UBE2W: variants seen among roughly 807,000 people sequenced by gnomAD.
UBE2W encodes ubiquitin-conjugating enzyme E2 W.
A neutral mutation model predicts 27.2 loss-of-function variants in UBE2W; 18 were observed. That is an observed-to-expected ratio of 0.66 (90% CI 0.46 to 0.98). The LOEUF (loss-of-function observed/expected upper bound fraction) is 0.98, where lower values mean the gene tolerates loss of function less well. Ranked by LOEUF, UBE2W falls within the 50% of genes least tolerant of loss-of-function variation. The pLI is 0.00. For synonymous variants in UBE2W, 53 were observed against 57.2 expected (o/e 0.93, Z 0.33); for missense variants, 90 against 180.2 (o/e 0.50, Z 2.87).
chr8:73,878,655 T>TC (rs1197599215), intron 1 of UBE2W, among the ~76,000 whole-genome samples, 153 bp downstream of exon 1: 1 of 150,994 alleles, frequency 6.6e-6, no homozygotes, highest in Non-Finnish European at 1.5e-5. Context: ...CTCTTACCCC[T>TC]CCCCCGACGC....
Position 73,793,001 on chromosome 8 carries a change from G to C in UBE2W, c.*1101C>G. The C allele has an allele frequency of 2.0e-6, 2 of 985,228 alleles. No homozygotes were observed. Among genetic ancestry groups the C allele is most frequent in the Non-Finnish European group, 2.4e-6 (2 of 829,510 alleles). 61.0% of individuals were successfully genotyped at this position (985,228 alleles called of 1,614,324 possible). ...TCAAAAATGTATTTCTTATTTTAGG[G>C]TACAGGATTAAAGGACAAGATGATA... is the stretch of plus-strand genomic sequence containing the variant. On this transcript the variant is annotated 3_prime_UTR_variant, in exon 6 of 6. Coordinates refer to ENST00000602593, the MANE Select transcript of UBE2W (RefSeq NM_018299.6).
chr8:73,852,356 T>C (rs1811117235), intron 1 of UBE2W, among the ~76,000 whole-genome samples: 1 of 152,204 alleles, frequency 6.6e-6, no homozygotes. Context: ...CAAATTTTAA[T>C]TTCTCAAGCT....
intron 1 of UBE2W, among the ~76,000 whole-genome samples, chr8:73,875,820 C>T (rs891439652): frequency 6.6e-6 from 1 of 151,988 alleles, no homozygotes; most frequent in Admixed American, 6.6e-5. Flanking sequence ...GAGGCCGAGG[C>T]GAGTGGATCG....
chr8:73,827,468 C>T (rs772290698), intron 2 of UBE2W, among the ~76,000 whole-genome samples: 3 of 152,148 alleles, frequency 2.0e-5, no homozygotes, highest in Non-Finnish European at 4.4e-5. Context: ...CCCGCCTCGG[C>T]GTCCCAAAGT....
intron 3 of UBE2W, among the ~76,000 whole-genome samples, chr8:73,821,924 T>C (rs764368180): frequency 8.5e-5 from 13 of 152,138 alleles, no homozygotes; most frequent in Non-Finnish European, 1.9e-4. Flanking sequence ...ATCAAGCAGA[T>C]AGTCAAGGCC....
At chr8:73,860,984 G>A (rs1811513091) in intron 1 of UBE2W, among the ~76,000 whole-genome samples, 1 of 152,058 alleles carries the variant, frequency 6.6e-6, no homozygotes, top group Non-Finnish European at 1.5e-5. Context: ...TGAGCATGGT[G>A]GCATGTACCT....
chr8:73,816,531 GA>G (rs1330297169), intron 3 of UBE2W, among the ~76,000 whole-genome samples: 1 of 152,128 alleles, frequency 6.6e-6, no homozygotes, highest in African/African-American at 2.4e-5. Flanking sequence ...GCATGAATAG[GA>G]GGGGGGAATG....
intron 1 of UBE2W, among the ~76,000 whole-genome samples, chr8:73,864,874 T>C (rs1010286080): frequency 2.0e-5 from 3 of 151,868 alleles, no homozygotes; most frequent in African/African-American, 7.3e-5. Flanking sequence ...AGTGCTGGGA[T>C]TACACGAATG....
intron 3 of UBE2W, among the ~76,000 whole-genome samples, chr8:73,812,767 C>T (rs1237398572): frequency 6.6e-6 from 1 of 151,960 alleles, no homozygotes; most frequent in Non-Finnish European, 1.5e-5. Context: ...CTTTGGCAGG[C>T]CGAGGTGGGT....
chr8:73,813,820 T>C (rs1452609366), intron 3 of UBE2W, among the ~76,000 whole-genome samples: 3 of 152,096 alleles, frequency 2.0e-5, no homozygotes, highest in African/African-American at 7.2e-5. Flanking sequence ...TGGTACGACC[T>C]TGGCTCACTG....
intron 1 of UBE2W, among the ~76,000 whole-genome samples, chr8:73,856,800 G>C (rs750522583): frequency 2.6e-5 from 4 of 151,952 alleles, no homozygotes; most frequent in African/African-American, 7.3e-5. Flanking sequence ...CCGCCTCCTG[G>C]GTTCAAGCCA....
chr8:73,795,520 A>C (rs1808376405), intron 5 of UBE2W, among the ~76,000 whole-genome samples: 1 of 152,132 alleles, frequency 6.6e-6, no homozygotes, highest in African/African-American at 2.4e-5. Flanking sequence ...TTCTCTTCTC[A>C]TAAATTAGTC....
At chr8:73,813,618 C>T (rs1250034013) in intron 3 of UBE2W, among the ~76,000 whole-genome samples, 2 of 152,118 alleles carry the variant, frequency 1.3e-5, no homozygotes, top group East Asian at 3.8e-4. Context: ...AGAAGTTTGT[C>T]TAAACATATA....
At chr8:73,856,870 T>TAA (rs1008116847) in intron 1 of UBE2W, among the ~76,000 whole-genome samples, 3 of 152,046 alleles carry the variant, frequency 2.0e-5, no homozygotes, top group African/African-American at 7.2e-5. Context: ...CACACCTGGC[T>TAA]AATTTTTTGT....
intron 3 of UBE2W, among the ~76,000 whole-genome samples, chr8:73,816,137 C>A (rs1353386663): frequency 1.3e-5 from 2 of 152,282 alleles, no homozygotes; most frequent in East Asian, 1.9e-4. Context: ...TAACGAGTAC[C>A]ATGCAGCTAT....
chr8:73,790,887 G>T lies in UBE2W; in HGVS notation c.*3215C>A. 1.0e-6 allele frequency: 1 copy of T among 984,986 alleles called. No individual in the cohort carries two copies. Among genetic ancestry groups the T allele is most frequent in the Non-Finnish European group, 1.2e-6 (1 of 829,638 alleles). The allele number at this position is 984,986 out of a possible 1,614,324, so 61.0% of individuals were successfully genotyped here. ...CTAGACACCTGTTTTAGAATCTGAA[G>T]AAATTATTATCCACCACAGGAATCT... On this transcript the variant is annotated 3_prime_UTR_variant, in exon 6 of 6. Coordinates refer to ENST00000602593, the MANE Select transcript of UBE2W (RefSeq NM_018299.6).
Position 73,786,993 on chromosome 8 carries a change from C to G in UBE2W, c.*7109G>C. The G allele has an allele frequency of 2.0e-6, 2 of 985,322 alleles. No individual in the cohort carries two copies. The highest frequency in any genetic ancestry group is 1.2e-6 in the Non-Finnish European group (1 of 829,914). The allele number at this position is 985,322 out of a possible 1,614,324, so 61.0% of individuals were successfully genotyped here. On this transcript the variant is annotated 3_prime_UTR_variant, in exon 6 of 6. Coordinates refer to ENST00000602593, the MANE Select transcript of UBE2W (RefSeq NM_018299.6). The stretch of plus-strand genomic sequence containing the variant: ...ATCTTGTCTAATGACATATATTCAC[C>G]CACATTAAGTCCCTGAAGGCCAGAT...
chr8:73,860,292 C>A (rs1811487848), intron 1 of UBE2W, among the ~76,000 whole-genome samples: 1 of 152,136 alleles, frequency 6.6e-6, no homozygotes, highest in Non-Finnish European at 1.5e-5. Context: ...TCCTTTTCAA[C>A]CCAATTCTTT....
intron 5 of UBE2W, among the ~76,000 whole-genome samples, chr8:73,794,763 C>T (rs1808341067): frequency 6.7e-6 from 1 of 148,282 alleles, no homozygotes; most frequent in African/African-American, 2.5e-5. Context: ...ATTAGCTGGG[C>T]GTCGTGGCAC....
Sources: gnomAD v4.1 joint callset for allele counts (sites outside exome capture counted in the v4.1 genomes callset) on GRCh38, gnomAD v4.1.1 for gene constraint, MANE v1.5 for transcripts, NCBI Gene and HGNC (gene_info 2026-07-23, HGNC 2026-07-21) for gene names.